MDGA2: variants seen among roughly 807,000 people sequenced by gnomAD.
MDGA2 encodes MAM domain containing glycosylphosphatidylinositol anchor 2, also known as MAM domain-containing glycosylphosphatidylinositol anchor protein 2.
In MDGA2, 40 loss-of-function variants were observed where a neutral mutation model predicts 117.8. The ratio of observed to expected loss-of-function variants is 0.34; its 90% CI spans 0.26 to 0.44. The LOEUF (loss-of-function observed/expected upper bound fraction) is 0.44, where lower values mean the gene tolerates loss of function less well. MDGA2 is among the 20% of genes least tolerant of loss of function. The pLI, the probability that MDGA2 is intolerant of heterozygous loss-of-function variation, is 1.00. For synonymous variants in MDGA2, 452 were observed against 439.0 expected (o/e 1.03, Z -0.37); for missense variants, 1,123 against 1,250.6 (o/e 0.90, Z 1.54).
intron 1 of MDGA2, among the ~76,000 whole-genome samples, chr14:47,459,018 A>G (rs1893424414): frequency 6.6e-6 from 1 of 151,192 alleles, no homozygotes. Flanking sequence ...TTTATGTCCT[A>G]GTGAAATTAA....
chr14:47,318,157 C>T (rs1052800781), intron 1 of MDGA2, among the ~76,000 whole-genome samples: 9 of 143,802 alleles, frequency 6.3e-5, no homozygotes, highest in South Asian at 2.3e-4. Context: ...CCAGGGAGAA[C>T]ACTAGTGATC....
intron 3 of MDGA2, among the ~76,000 whole-genome samples, chr14:47,181,108 A>G (rs1056763394): frequency 1.3e-5 from 2 of 152,134 alleles, no homozygotes; most frequent in African/African-American, 4.8e-5. Context: ...ATTCCAGGAT[A>G]TATGTGCAGA....
intron 2 of MDGA2, among the ~76,000 whole-genome samples, chr14:47,265,708 C>A (rs1246160224): frequency 2.0e-5 from 3 of 151,758 alleles, no homozygotes; most frequent in South Asian, 2.1e-4. Context: ...CTAGCCAAAT[C>A]TGAAAACTCC....
intron 5 of MDGA2, among the ~76,000 whole-genome samples, chr14:47,098,495 A>G (rs1261096164): frequency 1.3e-5 from 2 of 151,846 alleles, no homozygotes; most frequent in African/African-American, 2.4e-5. Context: ...GGAAATGCAC[A>G]TCATGAAAAA....
rs570638193 is a variant in MDGA2, at chr14:47,115,108, C to A, written c.925+16606G>T. 8.9e-4 allele frequency among the ~76,000 whole-genome samples: 135 copies of A among 152,082 alleles called. 1 individual carries two copies. The highest frequency in any genetic ancestry group is 3.2e-3 in the African/African-American group (132 of 41,556). On this transcript the variant is annotated intron_variant, in intron 5 of 16. Coordinates refer to ENST00000399232, the MANE Select transcript of MDGA2 (RefSeq NM_001113498.3). Reference sequence around the variant, plus strand: ...GCTGAATACACTCTAGACTAAAGGGCAGATAAAATAAATAAAAGCATTCAA... The same window carrying A: ...GCTGAATACACTCTAGACTAAAGGGAAGATAAAATAAATAAAAGCATTCAA...
chr14:47,105,620 G>A (rs1376946267), intron 5 of MDGA2, among the ~76,000 whole-genome samples: 3 of 151,836 alleles, frequency 2.0e-5, no homozygotes, highest in Non-Finnish European at 4.4e-5. Context: ...TTTCCATCCT[G>A]CAAAATCGAA....
chr14:47,230,211 A>G (rs1310239454), intron 2 of MDGA2, among the ~76,000 whole-genome samples: 1 of 151,998 alleles, frequency 6.6e-6, no homozygotes, highest in Non-Finnish European at 1.5e-5. Context: ...AGTCATATTT[A>G]CATCTATTCA....
At chr14:47,645,775 A>G (rs1391353271) in intron 1 of MDGA2, among the ~76,000 whole-genome samples, 1 of 151,908 alleles carries the variant, frequency 6.6e-6, no homozygotes, top group Non-Finnish European at 1.5e-5. Flanking sequence ...ACCCAATATT[A>G]AAGATGAAGA....
At chr14:47,063,805 A>G (rs1889981880) in intron 6 of MDGA2, among the ~76,000 whole-genome samples, 1 of 152,010 alleles carries the variant, frequency 6.6e-6, no homozygotes. Context: ...GATATCTTTT[A>G]GAATAGTTTT....
chr14:47,276,438 T>C (rs896710006), intron 2 of MDGA2, among the ~76,000 whole-genome samples: 6 of 152,156 alleles, frequency 3.9e-5, no homozygotes, highest in Non-Finnish European at 8.8e-5. Context: ...CAGGCAATAA[T>C]AGATTAATAT....
At chr14:47,585,987 C>T (rs900113745) in intron 1 of MDGA2, among the ~76,000 whole-genome samples, 1 of 151,862 alleles carries the variant, frequency 6.6e-6, no homozygotes, top group African/African-American at 2.4e-5. Context: ...GAAGTAACTA[C>T]AACTTGTTCA....
chr14:47,640,080 C>T (rs149356141), intron 1 of MDGA2, among the ~76,000 whole-genome samples: 20 of 152,286 alleles, frequency 1.3e-4, no homozygotes, highest in African/African-American at 4.1e-4. Context: ...TTCCTATTAG[C>T]TATGCTCTCT....
At chr14:46,843,002 C>T (rs1447704715) in intron 16 of MDGA2, among the ~76,000 whole-genome samples, 2 of 152,024 alleles carry the variant, frequency 1.3e-5, no homozygotes, top group Non-Finnish European at 2.9e-5. Context: ...CTTTCTGATG[C>T]CAAATAGATT....
chr14:47,609,428 C>CAT lies in MDGA2; in HGVS notation c.280+65087_280+65088dup, dbSNP rs3040345. Among the ~76,000 whole-genome samples the CAT allele has an allele frequency of 9.4e-3, 165 of 17,536 alleles. 18 individuals carry two copies. The highest frequency in any genetic ancestry group is 0.028 in the Middle Eastern group (1 of 36). 11.5% of individuals were successfully genotyped at this position (17,536 alleles called of 152,430 possible). ...TTTCTATGGCTGAGTAGTATTCCAT[C>CAT]ATATATATATATATATATATATATA... On this transcript the variant is annotated intron_variant, in intron 1 of 16. Coordinates refer to ENST00000399232, the MANE Select transcript of MDGA2 (RefSeq NM_001113498.3).
At chr14:47,382,502 T>G (rs920231660) in intron 1 of MDGA2, among the ~76,000 whole-genome samples, 1 of 151,934 alleles carries the variant, frequency 6.6e-6, no homozygotes, top group Non-Finnish European at 1.5e-5. Flanking sequence ...TTAAACAAAT[T>G]CATAAGAAAA....
intron 1 of MDGA2, among the ~76,000 whole-genome samples, chr14:47,431,822 A>C (rs1892805268): frequency 1.3e-5 from 2 of 152,102 alleles, no homozygotes; most frequent in Admixed American, 1.3e-4. Context: ...ATGGCAGTTC[A>C]TGCTATACTT....
Position 47,026,629 on chromosome 14 carries a change from G to C in MDGA2, c.1819+8382C>G, listed in dbSNP as rs184074648. Among the ~76,000 whole-genome samples the C allele has an allele frequency of 1.5e-4, 23 of 152,080 alleles. No homozygotes were observed. In the South Asian group the frequency reaches 2.3e-3, roughly 15 times the overall value. ...TTATTATTACCTTTGTGTTACAGGG[G>C]AGATGATCATAGTATGTGTGAAATG... On this transcript the variant is annotated intron_variant, in intron 8 of 16. Coordinates refer to ENST00000399232, the MANE Select transcript of MDGA2 (RefSeq NM_001113498.3).
chr14:47,579,481 T>C (rs1896187139), intron 1 of MDGA2, among the ~76,000 whole-genome samples: 1 of 152,038 alleles, frequency 6.6e-6, no homozygotes. Flanking sequence ...TTTTTAGTAA[T>C]TTTATGATAG....
chr14:47,087,859 A>G (rs925330565), intron 6 of MDGA2, among the ~76,000 whole-genome samples: 2 of 151,904 alleles, frequency 1.3e-5, no homozygotes, highest in African/African-American at 4.8e-5. Context: ...AGAATTTTAG[A>G]AATGTTAATA....
Sources: allele counts gnomAD v4.1 joint callset (sites outside exome capture counted in the v4.1 genomes callset), GRCh38; gene constraint gnomAD v4.1.1; transcripts MANE v1.5; gene names NCBI Gene and HGNC (gene_info 2026-07-23, HGNC 2026-07-21).